Variants in MYO18B observed in about 807,000 individuals in gnomAD.
MYO18B encodes myosin XVIIIB.
A neutral mutation model predicts 273.0 loss-of-function variants in MYO18B; 204 were observed. The observed-to-expected ratio is 0.75, with a 90% confidence interval of 0.67 to 0.84. The LOEUF is 0.84. Among genes scored for constraint, MYO18B ranks in the 40% least tolerant of loss-of-function variants. MYO18B has a pLI of 0.00. For missense variants in MYO18B, 3,212 were observed against 3,287.6 expected, an observed-to-expected ratio of 0.98 and a Z score of 0.56; for synonymous variants, 1,330 against 1,305.7, an observed-to-expected ratio of 1.02 and a Z score of -0.40.
intron 17 of MYO18B, 67 bp downstream of exon 17, chr22:25,835,510 G>C: frequency 1.3e-6 from 2 of 1,597,182 alleles, no homozygotes; most frequent in South Asian, 2.2e-5. Context: ...GTTCTTCTCT[G>C]CTGCAGGGAA....
chr22:25,912,145 A>G (rs1410268818), intron 33 of MYO18B, among the ~76,000 whole-genome samples: 1 of 152,242 alleles, frequency 6.6e-6, no homozygotes, highest in African/African-American at 2.4e-5. Context: ...TTATGTATTA[A>G]AAAACAAATT....
chr22:26,010,481 T>A (rs1934823207), intron 42 of MYO18B, among the ~76,000 whole-genome samples: 1 of 150,672 alleles, frequency 6.6e-6, no homozygotes, highest in South Asian at 2.1e-4. Flanking sequence ...ACCTCTCCTT[T>A]ACTAGTTCCT....
At chr22:25,975,865 T>C (rs994705101) in intron 39 of MYO18B, among the ~76,000 whole-genome samples, 9 of 152,344 alleles carry the variant, frequency 5.9e-5, no homozygotes, top group South Asian at 2.1e-4. Flanking sequence ...TTTCTCTTTA[T>C]GCCAGGGCCC....
At chr22:26,011,068 A>C (rs1397712336) in intron 42 of MYO18B, among the ~76,000 whole-genome samples, 2 of 150,614 alleles carry the variant, frequency 1.3e-5, no homozygotes, top group African/African-American at 4.9e-5. Context: ...CTGGGAAACC[A>C]AAAAGGAAAA....
At chr22:25,972,165 T>C (rs1236129755) in intron 39 of MYO18B, among the ~76,000 whole-genome samples, 2 of 151,286 alleles carry the variant, frequency 1.3e-5, no homozygotes, top group Admixed American at 1.3e-4. Context: ...TATTTTATAT[T>C]TATATATGAC....
At chr22:25,847,338 A>G in intron 19 of MYO18B, 92 bp from the exon 20 acceptor site, 2 of 1,173,474 alleles carry the variant, frequency 1.7e-6, no homozygotes, top group Non-Finnish European at 2.4e-6. Flanking sequence ...AAAGATGCTC[A>G]GGTTGGGCTT....
chr22:25,850,580 A>AT (rs1305807091), intron 20 of MYO18B, among the ~76,000 whole-genome samples: 5 of 151,726 alleles, frequency 3.3e-5, no homozygotes, highest in South Asian at 4.2e-4. Flanking sequence ...CTATAAAATA[A>AT]TTTTTTTTCT....
chr22:25,920,024 G>A (rs139631559), intron 33 of MYO18B, among the ~76,000 whole-genome samples: 25 of 152,200 alleles, frequency 1.6e-4, no homozygotes, highest in African/African-American at 5.3e-4. Context: ...GAGATGTGGC[G>A]TGACTCAGCC....
chr22:25,928,074 T>C (rs2092446366), intron 34 of MYO18B, among the ~76,000 whole-genome samples: 1 of 152,080 alleles, frequency 6.6e-6, no homozygotes, highest in African/African-American at 2.4e-5. Flanking sequence ...AGAAAGCATA[T>C]TCAGTTCGGC....
At chr22:25,876,028 G>GTGCGTGTGTGTGTGTGTA in intron 23 of MYO18B, among the ~76,000 whole-genome samples, 161 bp from the exon 24 acceptor site, 1 of 145,976 alleles carries the variant, frequency 6.9e-6, no homozygotes, top group Non-Finnish European at 1.5e-5. Context: ...GTGTGTGTGT[G>GTGCGTGTGTGTGTGTGTA]TGTGTGTGTG....
chr22:25,802,068 C>A (rs1020361952), intron 12 of MYO18B, among the ~76,000 whole-genome samples: 6 of 152,234 alleles, frequency 3.9e-5, no homozygotes, highest in African/African-American at 1.4e-4. Flanking sequence ...TCCTACAAGA[C>A]TGTCTCCACT....
At chr22:25,959,419 C>T (rs921477913) in intron 39 of MYO18B, 1 of 152,128 alleles carries the variant, frequency 6.6e-6, no homozygotes, top group Non-Finnish European at 1.5e-5. Flanking sequence ...ACTACAAGTG[C>T]ATACCATTGT....
rs553066297 is a variant in MYO18B at position 25,816,360 on chromosome 22, T to C, written c.2522-7145T>C. Among the ~76,000 whole-genome samples the C allele has an allele frequency of 1.8e-4, 27 of 152,294 alleles. No individual in the cohort carries two copies. The South Asian group carries it at 5.2e-3, about 29-fold the overall frequency. On this transcript the variant is annotated intron_variant, in intron 12 of 43. Transcript: ENST00000335473. ...TCATTCATTCTTCTTTTATTTATTA[T>C]TATACTTTAAGTTCTAGGGTACAGG...
chr22:25,846,925 CA>C (rs1364277567), intron 19 of MYO18B, among the ~76,000 whole-genome samples: 3 of 151,780 alleles, frequency 2.0e-5, no homozygotes, highest in African/African-American at 7.3e-5. Flanking sequence ...ACTAAAAATA[CA>C]AAAAATTGGC....
chr22:25,792,057 C>T (rs1055040011), intron 11 of MYO18B, among the ~76,000 whole-genome samples: 11 of 152,304 alleles, frequency 7.2e-5, no homozygotes, highest in African/African-American at 2.4e-4. Flanking sequence ...AAGGTCTGGT[C>T]CACGTTCACT....
chr22:25,816,680 C>G (rs1170404437), intron 12 of MYO18B, among the ~76,000 whole-genome samples: 1 of 152,166 alleles, frequency 6.6e-6, no homozygotes, highest in African/African-American at 2.4e-5. Context: ...GAATTCTGTT[C>G]GTCATTCCCA....
intron 11 of MYO18B, among the ~76,000 whole-genome samples, chr22:25,796,985 T>C (rs902874624): frequency 2.0e-5 from 3 of 152,186 alleles, no homozygotes; most frequent in Admixed American, 1.3e-4. Flanking sequence ...CCCAGCACTT[T>C]GGGAGGCTGA....
At chr22:25,955,499 G>C in intron 39 of MYO18B, 135 bp downstream of exon 39, 1 of 923,882 alleles carries the variant, frequency 1.1e-6, no homozygotes, top group East Asian at 2.8e-5. Context: ...AAAGCCAGGA[G>C]AAACAAGAAG....
intron 1 of MYO18B, among the ~76,000 whole-genome samples, chr22:25,747,765 G>A (rs534041073): frequency 3.5e-4 from 53 of 152,330 alleles, no homozygotes; most frequent in African/African-American, 1.1e-3. Flanking sequence ...TGAGTCAACC[G>A]GGGACATAGC....
Sources: allele counts gnomAD v4.1 joint callset (sites outside exome capture counted in the v4.1 genomes callset), GRCh38; gene constraint gnomAD v4.1.1; transcripts MANE v1.5; gene names NCBI Gene and HGNC (gene_info 2026-07-23, HGNC 2026-07-21).